The following NKTR variants were observed in gnomAD, a reference collection of about 807,000 sequenced individuals.
NKTR encodes the protein NK-tumor recognition protein.
A neutral mutation model predicts 156.3 loss-of-function variants in NKTR; 67 were observed. The ratio of observed to expected loss-of-function variants is 0.43; its 90% CI spans 0.35 to 0.53. NKTR has a LOEUF of 0.53. Among genes scored for constraint, NKTR ranks in the 20% least tolerant of loss-of-function variants. The probability of loss-of-function intolerance (pLI) is 0.01; values close to 1 mark genes in which losing one functional copy is unlikely to be tolerated. For synonymous variants in NKTR, 640 were observed against 596.6 expected, an observed-to-expected ratio of 1.07 and a Z score of -1.06; for missense variants, 1,604 against 1,730.9, an observed-to-expected ratio of 0.93 and a Z score of 1.30.
At chr3:42,619,321 T>C in intron 4 of NKTR, 194 bp downstream of exon 4, 1 of 1,348,614 alleles carries the variant, frequency 7.4e-7, no homozygotes, top group East Asian at 2.8e-5. Flanking sequence ...CATTTTATTT[T>C]GTTTTTATGC....
chr3:42,628,343 C>T, intron 6 of NKTR: 6 of 985,266 alleles, frequency 6.1e-6, no homozygotes, highest in Non-Finnish European at 7.2e-6. Flanking sequence ...TGGCAGTTTT[C>T]ATTTGAATTA....
At chr3:42,643,060 A>G (rs1710030150) in intron 14 of NKTR, among the ~76,000 whole-genome samples, 1 of 152,138 alleles carries the variant, frequency 6.6e-6, no homozygotes, top group Non-Finnish European at 1.5e-5. Context: ...TTACTTACAA[A>G]GGTCCTACCT....
chr3:42,608,238 A>C (rs1041816394), intron 2 of NKTR, among the ~76,000 whole-genome samples: 1 of 151,468 alleles, frequency 6.6e-6, no homozygotes, highest in Non-Finnish European at 1.5e-5. Context: ...TAATCCACCC[A>C]CCTCGGCCTC....
chr3:42,638,853 C>A lies in NKTR; in HGVS notation c.3149C>A (p.Thr1050Asn), dbSNP rs1360101270. 1 of 1,604,436 alleles carries A rather than the reference C, an allele frequency of 6.2e-7. No individual in the cohort carries two copies. Among genetic ancestry groups the A allele is most frequent in the East Asian group, 2.2e-5 (1 of 44,850 alleles). The change falls in exon 13 of 17, where the codon ACC becomes AAC. Residue 1050 changes from threonine to asparagine, a missense_variant. This residue lies in a region of NKTR where 1,255 missense variants were observed against 1,243.7 expected (regional missense o/e 1.01). Transcript: ENST00000232978. ...KEKKVSENNE[T>N]IKDNILKTEK... The stretch of plus-strand genomic sequence containing the variant: ...AAAAAAGTTTCTGAAAACAATGAAA[C>A]CATAAAAGATAATATTCTAAAAACT...
intron 5 of NKTR, chr3:42,620,123 G>A (rs1707771196): frequency 2.0e-6 from 3 of 1,482,382 alleles, no homozygotes; most frequent in Admixed American, 2.2e-5. Context: ...GACAGTCTGG[G>A]TCAGGTTGTG....
chr3:42,619,752 TA>T, intron 5 of NKTR, 44 bp downstream of exon 5: 1 of 1,603,114 alleles, frequency 6.2e-7, no homozygotes, highest in Non-Finnish European at 8.5e-7. Flanking sequence ...GTTCTGATAT[TA>T]AAGCAAGTTT....
At position 42,639,584 on chromosome 3, in the gene NKTR, C is replaced by G. The variant is rs776362995; in HGVS notation, c.3880C>G (p.Gln1294Glu). The part of the protein sequence containing the change: ...TARLNRRPRN[Q>E]ESSSDEQTPS... ...ACGCTTAAACCGTAGACCAAGAAAT[C>G]AGGAGAGTTCAAGTGATGAGCAGAC... Residue 1294 changes from glutamine to glutamate, a missense_variant, in exon 13 of 17, where the codon CAG becomes GAG. By Grantham distance (29) the Gln-to-Glu change is conservative. Coordinates refer to ENST00000232978, the MANE Select transcript of NKTR (RefSeq NM_005385.4). 1.1e-5 allele frequency: 18 copies of G among 1,614,068 alleles called. No individual in the cohort carries two copies. The highest frequency in any genetic ancestry group is 6.7e-5 in the African/African-American group (5 of 74,922).
intron 6 of NKTR, among the ~76,000 whole-genome samples, chr3:42,621,807 G>A (rs1403546072): frequency 1.3e-5 from 2 of 151,868 alleles, no homozygotes; most frequent in Non-Finnish European, 2.9e-5. Flanking sequence ...TCAAATTCGA[G>A]TGCTGACTTT....
intron 15 of NKTR, chr3:42,643,624 A>G (rs1258980841): frequency 2.1e-5 from 13 of 628,408 alleles, no homozygotes; most frequent in South Asian, 9.5e-5. Flanking sequence ...TTTATTGAAT[A>G]TAATTGCCTA....
At chr3:42,631,822 C>T (rs563479564) in intron 8 of NKTR, among the ~76,000 whole-genome samples, 18 of 152,264 alleles carry the variant, frequency 1.2e-4, no homozygotes, top group African/African-American at 4.3e-4. Context: ...ACTCTTTTCC[C>T]TTATTCATTG....
chr3:42,622,237 A>G (rs1420965251), intron 6 of NKTR, among the ~76,000 whole-genome samples: 2 of 152,070 alleles, frequency 1.3e-5, no homozygotes, highest in Non-Finnish European at 2.9e-5. Context: ...TTCTAAATAA[A>G]TCCTTTGGCA....
intron 2 of NKTR, among the ~76,000 whole-genome samples, chr3:42,617,031 A>G (rs1359164942): frequency 6.6e-6 from 1 of 152,148 alleles, no homozygotes; most frequent in African/African-American, 2.4e-5. Flanking sequence ...TGCTGGGATT[A>G]TAGGTGTGAG....
chr3:42,627,401 A>C (rs1708486047), intron 6 of NKTR: 2 of 985,290 alleles, frequency 2.0e-6, no homozygotes, highest in African/African-American at 1.7e-5. Context: ...TGGGAACTAT[A>C]TTTTAACTTC....
At position 42,637,375 on chromosome 3, in the gene NKTR, T is replaced by G; in HGVS notation, c.1671T>G (p.Ser557=). Residue 557 remains serine, a synonymous_variant, in exon 13 of 17, where the codon TCT becomes TCG. Transcript: ENST00000232978. The part of the protein sequence containing the change: ...SRSKSRSSSK[S]GHRKRASKSP... ...CAAAGTCCAGATCTAGTTCCAAGTC[T>G]GGGCACCGAAAGAGAGCATCAAAAT... 6.2e-7 allele frequency: 1 copy of G among 1,614,154 alleles called. No homozygotes were observed. Among genetic ancestry groups the G allele is most frequent in the South Asian group, 1.1e-5 (1 of 91,078 alleles).
chr3:42,635,405 A>C (rs1325008880), intron 12 of NKTR, 39 bp downstream of exon 12: 1 of 1,495,928 alleles, frequency 6.7e-7, no homozygotes, highest in East Asian at 2.3e-5. Context: ...TGTGTCTGTT[A>C]TATTTTAAAT....
At chr3:42,603,580 C>G (rs1352663459) in intron 2 of NKTR, among the ~76,000 whole-genome samples, 1 of 151,940 alleles carries the variant, frequency 6.6e-6, no homozygotes, top group East Asian at 1.9e-4. Flanking sequence ...GATTAGCACT[C>G]TTGAGAACGC....
chr3:42,642,835 A>G (rs924889253), intron 14 of NKTR, among the ~76,000 whole-genome samples: 2 of 151,934 alleles, frequency 1.3e-5, no homozygotes, highest in African/African-American at 2.4e-5. Context: ...CTTGACCCCT[A>G]CCTCCACCTC....
In NKTR at chr3:42,644,017, C is replaced by G. The variant is rs553850815; in HGVS notation, c.4301+14C>G. 1.3e-6 allele frequency: 2 copies of G among 1,566,132 alleles called. No individual in the cohort carries two copies. The highest frequency in any genetic ancestry group is 2.2e-5 in the South Asian group (2 of 89,710). On this transcript the variant is annotated intron_variant, in intron 16 of 16. Transcript: ENST00000232978. ...TCGGCGGTCCAGGTGGGTCTCTCTCCTTTATCGTCCTTTATCGCACTGTAG... is the reference window on the plus strand; with the variant it reads ...TCGGCGGTCCAGGTGGGTCTCTCTCGTTTATCGTCCTTTATCGCACTGTAG...
chr3:42,629,805 C>T, intron 6 of NKTR: 1 of 985,406 alleles, frequency 1.0e-6, no homozygotes, highest in Non-Finnish European at 1.2e-6. Context: ...ACCCTGTAGG[C>T]TTCCCAAGAG....
Sources: gnomAD v4.1 joint callset for allele counts (sites outside exome capture counted in the v4.1 genomes callset) on GRCh38, gnomAD v4.1.1 for gene constraint, gnomAD v4.1.1 regional missense constraint, MANE v1.5 for transcripts, NCBI Gene and HGNC (gene_info 2026-07-23, HGNC 2026-07-21) for gene names.